The following PRKCA variants were observed in gnomAD, a reference collection of about 807,000 sequenced individuals.
PRKCA encodes protein kinase C alpha type.
A neutral mutation model predicts 87.0 loss-of-function variants in PRKCA; 27 were observed. The observed-to-expected ratio is 0.31, with a 90% confidence interval of 0.23 to 0.43. PRKCA has a LOEUF of 0.43. PRKCA is among the 20% of genes least tolerant of loss of function. The pLI, the probability that PRKCA is intolerant of heterozygous loss-of-function variation, is 1.00. For synonymous variants in PRKCA, 329 were observed against 311.1 expected, an observed-to-expected ratio of 1.06 and a Z score of -0.61; for missense variants, 518 against 852.3, an observed-to-expected ratio of 0.61 and a Z score of 4.88.
chr17:66,612,816 G>A (rs181154872), intron 3 of PRKCA, among the ~76,000 whole-genome samples: 1 of 151,932 alleles, frequency 6.6e-6, no homozygotes, highest in East Asian at 1.9e-4. Flanking sequence ...TCCAGGGGAA[G>A]AAAACCTTTT....
At chr17:66,526,213 T>C (rs1967343683) in intron 3 of PRKCA, among the ~76,000 whole-genome samples, 1 of 152,164 alleles carries the variant, frequency 6.6e-6, no homozygotes, top group African/African-American at 2.4e-5. Flanking sequence ...ATCCGAAAAT[T>C]ATTATAGGAG....
chr17:66,319,186 A>G (rs1176443257), intron 2 of PRKCA, among the ~76,000 whole-genome samples: 2 of 152,128 alleles, frequency 1.3e-5, no homozygotes, highest in Non-Finnish European at 2.9e-5. Flanking sequence ...GTCTGCCATG[A>G]ATCTAATGAA....
At chr17:66,574,245 T>A (rs1452419444) in intron 3 of PRKCA, among the ~76,000 whole-genome samples, 1 of 152,182 alleles carries the variant, frequency 6.6e-6, no homozygotes, top group Non-Finnish European at 1.5e-5. Flanking sequence ...TATAAGGGTG[T>A]TTGTGTTGAA....
chr17:66,655,830 A>G (rs575023844), intron 5 of PRKCA, among the ~76,000 whole-genome samples: 1 of 150,238 alleles, frequency 6.7e-6, no homozygotes, highest in Non-Finnish European at 1.5e-5. Flanking sequence ...TCAAGTTAAA[A>G]TGATCCTGTT....
chr17:66,583,605 A>AAAG (rs1969509162), intron 3 of PRKCA, among the ~76,000 whole-genome samples: 1 of 152,160 alleles, frequency 6.6e-6, no homozygotes, highest in African/African-American at 2.4e-5. Flanking sequence ...AAAAAAAAAA[A>AAAG]AAGTATCACT....
At chr17:66,775,008 C>A (rs1346002962) in intron 14 of PRKCA, 1 of 985,306 alleles carries the variant, frequency 1.0e-6, no homozygotes, top group Non-Finnish European at 1.2e-6. Flanking sequence ...CAGGGTGAAT[C>A]GTACTATCTG....
intron 2 of PRKCA, among the ~76,000 whole-genome samples, chr17:66,470,869 A>G (rs1238322127): frequency 3.9e-5 from 6 of 152,208 alleles, no homozygotes; most frequent in African/African-American, 9.6e-5. Context: ...TTGTAGGCTG[A>G]TTAGACGACA....
chr17:66,383,200 T>C (rs796788544), intron 2 of PRKCA, among the ~76,000 whole-genome samples: 1 of 152,342 alleles, frequency 6.6e-6, no homozygotes, highest in African/African-American at 2.4e-5. Flanking sequence ...TTTTAATTTC[T>C]AGTTATTTCT....
At chr17:66,760,666 G>A (rs1389106523) in intron 13 of PRKCA, among the ~76,000 whole-genome samples, 1 of 152,132 alleles carries the variant, frequency 6.6e-6, no homozygotes, top group African/African-American at 2.4e-5. Flanking sequence ...AAAAGAGAGA[G>A]CACAAGTTAC....
chr17:66,778,374 A>G (rs1042305237), intron 14 of PRKCA: 34 of 345,790 alleles, frequency 9.8e-5, no homozygotes, highest in African/African-American at 6.2e-4. Context: ...AAATTAGCCG[A>G]GTGTGGTGGC....
chr17:66,717,349 C>T lies in PRKCA; in HGVS notation c.919-15339C>T, dbSNP rs548008922. ...AGACAGTATTTGGCCCACAAAGCCA[C>T]AAATATTTACTATCTGGACCTTTAC... On this transcript the variant is annotated intron_variant, in intron 8 of 16. Transcript: ENST00000413366. Among the ~76,000 whole-genome samples the T allele has an allele frequency of 1.4e-4, 21 of 152,304 alleles. No individual in the cohort carries two copies. The South Asian group carries it at 4.1e-3, about 30-fold the overall frequency.
chr17:66,578,121 C>A (rs760200012), intron 3 of PRKCA, among the ~76,000 whole-genome samples: 1 of 148,984 alleles, frequency 6.7e-6, no homozygotes, highest in Non-Finnish European at 1.5e-5. Context: ...AGCCAGCTAA[C>A]GAGAGACTGA....
intron 3 of PRKCA, among the ~76,000 whole-genome samples, chr17:66,572,738 C>A (rs1213126314): frequency 6.6e-6 from 1 of 152,160 alleles, no homozygotes; most frequent in African/African-American, 2.4e-5. Context: ...CTCAAGCAGT[C>A]CTCCTGCCTT....
chr17:66,612,381 C>CAAA (rs1200272317), intron 3 of PRKCA, among the ~76,000 whole-genome samples: 78 of 87,568 alleles, frequency 8.9e-4, no homozygotes, highest in Middle Eastern at 5.6e-3. Flanking sequence ...AAATCTGTCT[C>CAAA]AAAAAAAAAA....
chr17:66,739,309 G>A (rs1037986500), intron 11 of PRKCA, among the ~76,000 whole-genome samples: 3 of 152,176 alleles, frequency 2.0e-5, no homozygotes, highest in African/African-American at 7.2e-5. Context: ...ATCTAAGATG[G>A]TTCCTAAGGA....
At chr17:66,781,407 G>A (rs1288836767) in intron 14 of PRKCA, among the ~76,000 whole-genome samples, 1 of 152,180 alleles carries the variant, frequency 6.6e-6, no homozygotes, top group Non-Finnish European at 1.5e-5. Context: ...GTGGGTCCCC[G>A]AATGCAACCA....
At chr17:66,455,041 TG>T (rs1914516899) in intron 2 of PRKCA, among the ~76,000 whole-genome samples, 1 of 152,142 alleles carries the variant, frequency 6.6e-6, no homozygotes, top group Non-Finnish European at 1.5e-5. Flanking sequence ...TGAGAGAAAC[TG>T]GGGATGGAGG....
At chr17:66,647,262 G>A (rs1385769421) in intron 5 of PRKCA, among the ~76,000 whole-genome samples, 1 of 152,208 alleles carries the variant, frequency 6.6e-6, no homozygotes, top group South Asian at 2.1e-4. Context: ...TCCGTAGGTG[G>A]TAAGGGATCA....
At chr17:66,445,679 G>A (rs752631628) in intron 2 of PRKCA, among the ~76,000 whole-genome samples, 2 of 152,230 alleles carry the variant, frequency 1.3e-5, no homozygotes, top group South Asian at 2.1e-4. Flanking sequence ...TGTGAACAGT[G>A]CAGAAGTCCC....
Sources: gnomAD v4.1 joint callset for allele counts (sites outside exome capture counted in the v4.1 genomes callset) on GRCh38, gnomAD v4.1.1 for gene constraint, MANE v1.5 for transcripts, NCBI Gene and HGNC (gene_info 2026-07-23, HGNC 2026-07-21) for gene names.